The following EXTL3 variants were observed in gnomAD, a reference collection of about 807,000 sequenced individuals.
EXTL3 encodes exostosin-like 3.
A neutral mutation model predicts 69.3 loss-of-function variants in EXTL3; 27 were observed. The observed-to-expected ratio is 0.39, with a 90% CI of 0.29 to 0.54. EXTL3 has a LOEUF of 0.54. EXTL3 is among the 20% of genes least tolerant of loss of function. EXTL3 has a pLI of 0.69. For synonymous variants in EXTL3, 511 were observed against 499.4 expected, an observed-to-expected ratio of 1.02 and a Z score of -0.31; for missense variants, 1,003 against 1,231.8, an observed-to-expected ratio of 0.81 and a Z score of 2.78.
intron 1 of EXTL3, among the ~76,000 whole-genome samples, chr8:28,645,424 C>T (rs1360184845): frequency 6.6e-6 from 1 of 152,048 alleles, no homozygotes; most frequent in Non-Finnish European, 1.5e-5. Flanking sequence ...AATGGAATTC[C>T]TCTGTTAAAA....
At chr8:28,740,015 A>G (rs1351716868) in intron 5 of EXTL3, 1 of 152,244 alleles carries the variant, frequency 6.6e-6, no homozygotes, top group African/African-American at 2.4e-5. Context: ...TTCCTGTGTG[A>G]AAATCTATAA....
intron 1 of EXTL3, among the ~76,000 whole-genome samples, chr8:28,691,856 T>C (rs539239732): frequency 4.6e-5 from 7 of 152,104 alleles, no homozygotes; most frequent in Non-Finnish European, 8.8e-5. Context: ...GAGATCACAC[T>C]GTTGCACTCC....
At chr8:28,629,604 G>A (rs1451651772) in intron 1 of EXTL3, among the ~76,000 whole-genome samples, 2 of 152,084 alleles carry the variant, frequency 1.3e-5, no homozygotes, top group African/African-American at 4.8e-5. Flanking sequence ...TCGGGAATAG[G>A]TAGAGTTGGA....
At chr8:28,666,772 A>C (rs1325730113) in intron 1 of EXTL3, among the ~76,000 whole-genome samples, 2 of 151,824 alleles carry the variant, frequency 1.3e-5, no homozygotes, top group African/African-American at 4.8e-5. Flanking sequence ...ATGGGGTTTC[A>C]CCATGTTGGC....
At chr8:28,705,383 T>C (rs1051507325) in intron 1 of EXTL3, among the ~76,000 whole-genome samples, 1 of 152,120 alleles carries the variant, frequency 6.6e-6, no homozygotes, top group African/African-American at 2.4e-5. Flanking sequence ...CGTCTCAAGC[T>C]GAATTCACCC....
At chr8:28,695,089 G>A (rs1033516873) in intron 1 of EXTL3, among the ~76,000 whole-genome samples, 4 of 151,812 alleles carry the variant, frequency 2.6e-5, no homozygotes, top group Admixed American at 6.6e-5. Flanking sequence ...TTTGGTGGCC[G>A]GAGACAGAAA....
rs1009949234 is a variant in EXTL3 at position 28,750,870 on chromosome 8, C to T, written c.*4C>T. ...CAAGTGCTTCAAGTTCATCTAGGGG[C>T]AGCGCACGGTCTGGGGAAGAGGATG... On this transcript the variant is annotated 3_prime_UTR_variant, in exon 7 of 7. Transcript: ENST00000220562. The surrounding 1 kb of genome is among the most constrained non-coding windows in gnomAD (Gnocchi z 5.2). 2.5e-6 allele frequency: 4 copies of T among 1,612,998 alleles called. No homozygotes were observed. Among genetic ancestry groups the T allele is most frequent in the African/African-American group, 2.7e-5 (2 of 74,928 alleles).
intron 1 of EXTL3, among the ~76,000 whole-genome samples, chr8:28,629,617 G>T (rs1027535858): frequency 2.0e-5 from 3 of 152,076 alleles, no homozygotes; most frequent in Admixed American, 1.3e-4. Flanking sequence ...GAGTTGGAGG[G>T]GAGATGTTAT....
At chr8:28,718,353 T>C (rs1306341771) in intron 3 of EXTL3, 146 bp downstream of exon 3, 2 of 865,234 alleles carry the variant, frequency 2.3e-6, no homozygotes, top group Non-Finnish European at 3.7e-6. Context: ...TAGATTCCTT[T>C]CTTCCTGAAG....
At chr8:28,733,813 G>A (rs571359894) in intron 4 of EXTL3, among the ~76,000 whole-genome samples, 30 of 148,894 alleles carry the variant, frequency 2.0e-4, no homozygotes, top group Admixed American at 1.1e-3. Flanking sequence ...TGTTTGGATT[G>A]TCGTCTTTTT....
intron 1 of EXTL3, among the ~76,000 whole-genome samples, chr8:28,666,962 C>G (rs900541605): frequency 2.6e-5 from 4 of 152,168 alleles, no homozygotes; most frequent in African/African-American, 7.2e-5. Flanking sequence ...CATAAAGGTC[C>G]CCACAGCAAT....
Position 28,731,359 on chromosome 8 carries a change from C to T in EXTL3, c.2276+9C>T. The T allele has an allele frequency of 6.2e-7, 1 of 1,614,180 alleles. No homozygotes were observed. Among genetic ancestry groups the T allele is most frequent in the Non-Finnish European group, 8.5e-7 (1 of 1,180,008 alleles). Reference sequence around the variant, plus strand: ...ATCATGTTTGGGTTCCGGTGAGAGACTAATTTCCAATCAAAACTTTAGGTT... The same window carrying T: ...ATCATGTTTGGGTTCCGGTGAGAGATTAATTTCCAATCAAAACTTTAGGTT... On this transcript the variant is annotated intron_variant, in intron 4 of 6. Coordinates refer to ENST00000220562, the MANE Select transcript of EXTL3 (RefSeq NM_001440.4).
chr8:28,636,278 G>A (rs1202357283), intron 1 of EXTL3, among the ~76,000 whole-genome samples: 1 of 150,140 alleles, frequency 6.7e-6, no homozygotes, highest in Non-Finnish European at 1.5e-5. Context: ...GTTGCAGTGA[G>A]CCGAGATCGC....
intron 1 of EXTL3, among the ~76,000 whole-genome samples, chr8:28,676,677 A>G (rs953190289): frequency 1.3e-5 from 2 of 152,152 alleles, no homozygotes; most frequent in African/African-American, 4.8e-5. Context: ...CACGTAGGGA[A>G]ATGATTGAGT....
chr8:28,636,402 G>T (rs557861548), intron 1 of EXTL3, among the ~76,000 whole-genome samples: 1 of 151,990 alleles, frequency 6.6e-6, no homozygotes, highest in African/African-American at 2.4e-5. Context: ...TCTCACATGA[G>T]CTCTTATCAC....
chr8:28,634,365 A>G (rs369544293), intron 1 of EXTL3, among the ~76,000 whole-genome samples: 1 of 151,410 alleles, frequency 6.6e-6, no homozygotes, highest in Admixed American at 6.6e-5. Flanking sequence ...ATCGCTCCCT[A>G]CCCCCGGCTC....
At chr8:28,667,392 G>A (rs1807213759) in intron 1 of EXTL3, among the ~76,000 whole-genome samples, 1 of 152,206 alleles carries the variant, frequency 6.6e-6, no homozygotes, top group Non-Finnish European at 1.5e-5. Flanking sequence ...CTCAAGTTTG[G>A]TCAAGGACCA....
At chr8:28,731,577 A>C (rs1801539473) in intron 4 of EXTL3, among the ~76,000 whole-genome samples, 1 of 152,118 alleles carries the variant, frequency 6.6e-6, no homozygotes, top group African/African-American at 2.4e-5. Context: ...CTCTGTGGCC[A>C]GGAAGGTGGA....
At chr8:28,629,411 A>C (rs61351698) in intron 1 of EXTL3, among the ~76,000 whole-genome samples, 5,584 of 152,068 alleles carry the variant, frequency 0.037, 342 homozygotes, top group African/African-American at 0.13. Context: ...AGAGTGAGTT[A>C]GTTCATTCAT....
Sources: allele counts gnomAD v4.1 joint callset (sites outside exome capture counted in the v4.1 genomes callset), GRCh38; gene constraint gnomAD v4.1.1; non-coding constraint Gnocchi (gnomAD v3.1); transcripts MANE v1.5; gene names NCBI Gene and HGNC (gene_info 2026-07-23, HGNC 2026-07-21).